CCDC171: variants seen among roughly 807,000 people sequenced by gnomAD.
The protein encoded by CCDC171 is coiled-coil domain containing 171.
CCDC171 carries 177 observed loss-of-function variants against 168.2 expected under a neutral mutation model. The ratio of observed to expected loss-of-function variants is 1.05; its 90% confidence interval spans 0.93 to 1.19. The LOEUF (loss-of-function observed/expected upper bound fraction) is 1.19, where lower values mean the gene tolerates loss of function less well. Ranked by LOEUF, CCDC171 falls within the 50% of genes most tolerant of loss-of-function variation. The pLI is 0.00. For missense variants in CCDC171, 1,991 were observed against 1,539.0 expected (o/e 1.29, Z -4.91); for synonymous variants, 687 against 540.8 (o/e 1.27, Z -3.75).
chr9:15,815,635 AT>A lies in CCDC171; in HGVS notation c.3267+30942del, dbSNP rs560382182. Reference sequence around the variant, plus strand: ...AAGTAATATAATCACTTAATTTTGAATAAATAATCATATTTTCTCTGGTAAA... The same window carrying A: ...AAGTAATATAATCACTTAATTTTGAAAAATAATCATATTTTCTCTGGTAAA... On this transcript the variant is annotated intron_variant, in intron 21 of 25. Transcript: ENST00000380701. Among the ~76,000 whole-genome samples the A allele has an allele frequency of 1.6e-3, 180 of 116,052 alleles. 53 individuals are homozygous for A. Among genetic ancestry groups the A allele is most frequent in the Non-Finnish European group, 2.8e-3 (146 of 51,980 alleles). The allele number at this position is 116,052 out of a possible 152,430, so 76.1% of individuals were successfully genotyped here. A position where few individuals can be genotyped will look rare whatever the true frequency, so the allele number is the denominator to read the frequency against.
intron 21 of CCDC171, among the ~76,000 whole-genome samples, chr9:15,825,094 A>C (rs190785027): frequency 6.6e-6 from 1 of 152,126 alleles, no homozygotes; most frequent in African/African-American, 2.4e-5. Context: ...GTCAACTTCA[A>C]ATTTTCTTCT....
At chr9:15,936,083 T>A (rs1827079275) in intron 25 of CCDC171, among the ~76,000 whole-genome samples, 1 of 152,046 alleles carries the variant, frequency 6.6e-6, no homozygotes, top group South Asian at 2.1e-4. Flanking sequence ...ATTTTATGAA[T>A]AGGTACTGTT....
Position 15,920,342 on chromosome 9 carries a change from ACATCT to A in CCDC171, c.3678_3682del (p.His1227LysfsTer17), listed in dbSNP as rs775790460. 5.6e-6 allele frequency: 9 copies of A among 1,609,868 alleles called. No homozygotes were observed. The highest frequency in any genetic ancestry group is 5.9e-6 in the Non-Finnish European group (7 of 1,177,154). ...AATCATGACATTAGAGAAGGAAATG[ACATCT>A]CATCGAAGTCACATTGCAGCCTTGA... On this transcript the variant is annotated frameshift_variant, in exon 25 of 26. Transcript: ENST00000380701. LOFTEE classifies it high-confidence loss of function.
At chr9:16,084,009 T>C in the CCDC171 span, among the ~76,000 whole-genome samples, 3 of 152,198 alleles carry the variant, frequency 2.0e-5, no homozygotes, top group Non-Finnish European at 2.9e-5. Flanking sequence ...CACTGAAACA[T>C]GGTTTTTCTA....
chr9:15,997,711 T>TTTAATTATAAAAATAA (rs1832415878), intron 3 of CCDC171, among the ~76,000 whole-genome samples: 1 of 152,176 alleles, frequency 6.6e-6, no homozygotes, highest in Non-Finnish European at 1.5e-5. Context: ...TCTCAGGGAA[T>TTTAATTATAAAAATAA]TACCTGGTGG....
intron 3 of CCDC171, among the ~76,000 whole-genome samples, chr9:16,003,781 A>G (rs1832620926): frequency 6.6e-6 from 1 of 152,202 alleles, no homozygotes; most frequent in Non-Finnish European, 1.5e-5. Flanking sequence ...TATTATATGT[A>G]TGAGGATTGG....
chr9:15,623,022 G>T (rs1408718320), intron 6 of CCDC171, among the ~76,000 whole-genome samples: 1 of 152,172 alleles, frequency 6.6e-6, no homozygotes, highest in Non-Finnish European at 1.5e-5. Flanking sequence ...TTTCTCATAT[G>T]CTATAACATT....
intron 24 of CCDC171, among the ~76,000 whole-genome samples, chr9:15,879,094 G>C (rs935860816): frequency 1.3e-5 from 2 of 152,048 alleles, no homozygotes; most frequent in Non-Finnish European, 2.9e-5. Context: ...TAACAAGCCT[G>C]CATATTTACC....
At chr9:15,648,362 A>T (rs1163204581) in intron 7 of CCDC171, among the ~76,000 whole-genome samples, 2 of 152,152 alleles carry the variant, frequency 1.3e-5, no homozygotes, top group Non-Finnish European at 2.9e-5. Flanking sequence ...CTCTCTCACC[A>T]TTCCTATTCA....
chr9:15,958,449 A>T (rs1164102989), intron 25 of CCDC171, among the ~76,000 whole-genome samples: 1 of 151,300 alleles, frequency 6.6e-6, no homozygotes, highest in East Asian at 1.9e-4. Context: ...GTCTAAGCAA[A>T]CATAAGACTG....
chr9:16,057,558 T>C (rs1223291434), intron 1 of CCDC171, among the ~76,000 whole-genome samples: 3 of 152,214 alleles, frequency 2.0e-5, no homozygotes, highest in South Asian at 4.1e-4. Context: ...TCAAGGTTGC[T>C]CTTTATCTGG....
chr9:15,839,205 G>A (rs979087233), intron 21 of CCDC171, among the ~76,000 whole-genome samples: 1 of 152,130 alleles, frequency 6.6e-6, no homozygotes, highest in Admixed American at 6.5e-5. Context: ...GATGTTGAAA[G>A]TGTATCCTTA....
intron 6 of CCDC171, among the ~76,000 whole-genome samples, chr9:15,606,153 G>A (rs894963944): frequency 2.0e-5 from 3 of 152,080 alleles, no homozygotes; most frequent in Admixed American, 6.5e-5. Context: ...ATATCTTATT[G>A]TACTGTATTC....
At position 15,744,827 on chromosome 9, in the gene CCDC171, C is replaced by T. The variant is rs757017783; in HGVS notation, c.2554+50C>T. The T allele has an allele frequency of 4.5e-6, 7 of 1,543,354 alleles. No individual in the cohort carries two copies. The South Asian group carries it at 6.0e-5, about 13-fold the overall frequency. On this transcript the variant is annotated intron_variant, in intron 17 of 25. Coordinates refer to ENST00000380701, the MANE Select transcript of CCDC171 (RefSeq NM_173550.4). ...ATATAAGTTGCATGTAAGCGAAATA[C>T]AGTGTGACTATACCTGGCTATTATG...
chr9:15,685,503 C>T (rs557239537), intron 10 of CCDC171, among the ~76,000 whole-genome samples: 44 of 152,088 alleles, frequency 2.9e-4, no homozygotes, highest in African/African-American at 1.0e-3. Flanking sequence ...TGCGTGGTGA[C>T]GTGTGCCTGT....
chr9:15,697,642 C>A (rs1436820234), intron 11 of CCDC171, among the ~76,000 whole-genome samples: 3 of 152,108 alleles, frequency 2.0e-5, no homozygotes, highest in Non-Finnish European at 4.4e-5. Context: ...ATAGTGTAGT[C>A]CATTAAGTTG....
chr9:15,581,285 A>G (rs2041093887), intron 4 of CCDC171, among the ~76,000 whole-genome samples: 1 of 152,220 alleles, frequency 6.6e-6, no homozygotes, highest in Non-Finnish European at 1.5e-5. Flanking sequence ...AAGAGAGGAC[A>G]CAAACAAATG....
chr9:15,839,783 A>T (rs116706729), intron 21 of CCDC171, among the ~76,000 whole-genome samples: 1,809 of 152,298 alleles, frequency 0.012, 41 homozygotes, highest in African/African-American at 0.04. Context: ...GTTAGCAAAC[A>T]TTTGCTGTCT....
intron 3 of CCDC171, among the ~76,000 whole-genome samples, chr9:16,002,866 T>C (rs1832594733): frequency 6.6e-6 from 1 of 152,220 alleles, no homozygotes; most frequent in East Asian, 1.9e-4. Flanking sequence ...TACAACTGCC[T>C]ACAGTATTCA....
Sources: allele counts gnomAD v4.1 joint callset (sites outside exome capture counted in the v4.1 genomes callset), GRCh38; gene constraint gnomAD v4.1.1; transcripts MANE v1.5; gene names NCBI Gene and HGNC (gene_info 2026-07-23, HGNC 2026-07-21).